GALNTL6: variants seen among roughly 807,000 people sequenced by gnomAD.
GALNTL6 encodes the protein polypeptide N-acetylgalactosaminyltransferase-like 6.
GALNTL6 carries 46 observed loss-of-function variants against 73.7 expected under a neutral mutation model. The observed-to-expected ratio is 0.62, with a 90% CI of 0.49 to 0.80. GALNTL6 has a LOEUF of 0.80. Ranked by LOEUF, GALNTL6 falls within the 30% of genes least tolerant of loss-of-function variation. The probability of loss-of-function intolerance (pLI) is 0.00; values close to 1 mark genes in which losing one functional copy is unlikely to be tolerated. For missense variants in GALNTL6, 604 were observed against 755.0 expected (o/e 0.80, Z 2.34); for synonymous variants, 259 against 263.7 (o/e 0.98, Z 0.17).
chr4:172,528,319 A>AAT (rs3083419), intron 5 of GALNTL6, among the ~76,000 whole-genome samples: 4,402 of 100,968 alleles, frequency 0.044, 61 homozygotes, highest in African/African-American at 0.072. Context: ...CTAGAAATAA[A>AAT]ATATATATAT....
chr4:172,725,333 T>C (rs1317866118), intron 5 of GALNTL6, among the ~76,000 whole-genome samples: 1 of 152,210 alleles, frequency 6.6e-6, no homozygotes, highest in African/African-American at 2.4e-5. Context: ...TTTTTCACCT[T>C]CTACTGTACT....
intron 2 of GALNTL6, among the ~76,000 whole-genome samples, chr4:172,095,971 T>A (rs1432048198): frequency 6.6e-6 from 1 of 152,010 alleles, no homozygotes. Context: ...CCCATTTTTC[T>A]TTTCTCTCTC....
intron 2 of GALNTL6, among the ~76,000 whole-genome samples, chr4:171,859,825 G>C (rs1214695726): frequency 6.6e-6 from 1 of 152,124 alleles, no homozygotes; most frequent in Non-Finnish European, 1.5e-5. Flanking sequence ...GCCCTGCCCT[G>C]CCTCCCACTC....
intron 5 of GALNTL6, among the ~76,000 whole-genome samples, chr4:172,704,841 A>G (rs1225156988): frequency 6.6e-6 from 1 of 151,904 alleles, no homozygotes; most frequent in Non-Finnish European, 1.5e-5. Flanking sequence ...GTCTGTTAAT[A>G]TTTGCTTTAT....
chr4:172,320,957 C>G lies in GALNTL6; in HGVS notation c.386+9205C>G, dbSNP rs116565666. 6.5e-3 allele frequency among the ~76,000 whole-genome samples: 984 copies of G among 152,158 alleles called. 10 individuals carry two copies. The highest frequency in any genetic ancestry group is 0.022 in the African/African-American group (924 of 41,498). On this transcript the variant is annotated intron_variant, in intron 4 of 12. Coordinates refer to ENST00000506823, the MANE Select transcript of GALNTL6 (RefSeq NM_001034845.3). ...TTATCTGTGATTTCACTTTTGGAGGCTTTATTTACCTGTGGTCAATCATAG... is the reference window on the plus strand; with the variant it reads ...TTATCTGTGATTTCACTTTTGGAGGGTTTATTTACCTGTGGTCAATCATAG...
At chr4:172,824,990 C>T (rs756857344) in intron 7 of GALNTL6, among the ~76,000 whole-genome samples, 1 of 151,658 alleles carries the variant, frequency 6.6e-6, no homozygotes, top group African/African-American at 2.4e-5. Context: ...AAGATCATCA[C>T]TCCCGCCTTC....
chr4:172,084,499 A>G (rs1731969533), intron 2 of GALNTL6, among the ~76,000 whole-genome samples: 1 of 152,212 alleles, frequency 6.6e-6, no homozygotes, highest in African/African-American at 2.4e-5. Context: ...ATTACAGTGC[A>G]AGACAAAACA....
In GALNTL6 at chr4:172,731,805, T is replaced by G. The variant is rs147248250; in HGVS notation, c.554-77556T>G. ...TTAATTTTATTGACCCATTGGTCAT[T>G]CAAAAACATGGTTTTTTAAATTTCC... On this transcript the variant is annotated intron_variant, in intron 5 of 12. Transcript: ENST00000506823. Among the ~76,000 whole-genome samples the G allele has an allele frequency of 1.1e-3, 169 of 152,294 alleles. 2 individuals are homozygous for G. The East Asian group carries it at 0.032, about 29-fold the overall frequency.
At chr4:172,430,387 T>G (rs10866354) in intron 5 of GALNTL6, among the ~76,000 whole-genome samples, 34,354 of 151,784 alleles carry the variant, frequency 0.23, 4,471 homozygotes, top group East Asian at 0.35. Context: ...TGTTGAAAAA[T>G]CAGAATCCCA....
chr4:172,625,697 CT>C, intron 5 of GALNTL6, among the ~76,000 whole-genome samples: 1 of 151,980 alleles, frequency 6.6e-6, no homozygotes, highest in Non-Finnish European at 1.5e-5. Context: ...TGTGTATTGA[CT>C]TTTTAATAAT....
intron 5 of GALNTL6, among the ~76,000 whole-genome samples, chr4:172,718,132 A>G (rs1326097921): frequency 6.6e-6 from 1 of 152,218 alleles, no homozygotes; most frequent in East Asian, 1.9e-4. Context: ...GAAAAAATAC[A>G]TAATCTTTAG....
intron 2 of GALNTL6, among the ~76,000 whole-genome samples, chr4:171,995,139 G>A (rs978440868): frequency 1.3e-5 from 2 of 151,746 alleles, no homozygotes; most frequent in African/African-American, 4.8e-5. Flanking sequence ...ATGCTGATGG[G>A]ATTGTAATCA....
chr4:172,199,185 CAA>C (rs990511255), intron 2 of GALNTL6, among the ~76,000 whole-genome samples: 1 of 152,242 alleles, frequency 6.6e-6, no homozygotes, highest in Admixed American at 6.5e-5. Flanking sequence ...AGCAAATAAA[CAA>C]ATCTATTTTC....
At chr4:172,925,158 C>T (rs1232491807) in intron 8 of GALNTL6, among the ~76,000 whole-genome samples, 1 of 150,546 alleles carries the variant, frequency 6.6e-6, no homozygotes, top group East Asian at 1.9e-4. Flanking sequence ...AGGCATGAGC[C>T]ACCGCACCAG....
intron 2 of GALNTL6, among the ~76,000 whole-genome samples, chr4:172,005,335 C>G (rs1206083012): frequency 6.6e-6 from 1 of 152,014 alleles, no homozygotes; most frequent in African/African-American, 2.4e-5. Context: ...CTACATTGCC[C>G]AGGCTGGCCT....
chr4:173,033,243 T>C (rs1579807458), intron 12 of GALNTL6, among the ~76,000 whole-genome samples: 1 of 151,994 alleles, frequency 6.6e-6, no homozygotes, highest in African/African-American at 2.4e-5. Context: ...CCTCAGGAGT[T>C]CCACCCGCCT....
intron 11 of GALNTL6, among the ~76,000 whole-genome samples, chr4:173,016,821 CA>C (rs1561088764): frequency 6.6e-6 from 1 of 152,064 alleles, no homozygotes; most frequent in East Asian, 1.9e-4. Flanking sequence ...TGGAAGGGGC[CA>C]GGGGCAGAAT....
chr4:172,087,369 C>T (rs113193250), intron 2 of GALNTL6, among the ~76,000 whole-genome samples: 7 of 147,662 alleles, frequency 4.7e-5, no homozygotes, highest in East Asian at 4.2e-4. Context: ...GGCGTGAACC[C>T]GGGAGGCGGA....
intron 2 of GALNTL6, among the ~76,000 whole-genome samples, chr4:172,134,382 T>TA (rs5864118): frequency 0.32 from 45,158 of 142,080 alleles, 7,238 homozygotes; most frequent in Admixed American, 0.38. Flanking sequence ...GAGACTCCTC[T>TA]AAAAAAAAAA....
Sources: gnomAD v4.1 joint callset for allele counts (sites outside exome capture counted in the v4.1 genomes callset) on GRCh38, gnomAD v4.1.1 for gene constraint, MANE v1.5 for transcripts, NCBI Gene and HGNC (gene_info 2026-07-23, HGNC 2026-07-21) for gene names.